Variants in ACYP1 observed in about 807,000 individuals in gnomAD.
ACYP1 encodes the protein acylphosphatase 1.
ACYP1 carries 8 observed loss-of-function variants against 10.4 expected under a neutral mutation model. The observed-to-expected ratio is 0.77, with a 90% CI of 0.45 to 1.38. The LOEUF is 1.38. Among genes scored for constraint, ACYP1 ranks in the 40% most tolerant of loss-of-function variants. The pLI, the probability that ACYP1 is intolerant of heterozygous loss-of-function variation, is 0.00. For missense variants in ACYP1, 93 were observed against 117.3 expected, an observed-to-expected ratio of 0.79 and a Z score of 0.96; for synonymous variants, 38 against 40.8, an observed-to-expected ratio of 0.93 and a Z score of 0.26.
At chr14:75,069,055 G>A (rs1893224706) in intron 1 of ACYP1, among the ~76,000 whole-genome samples, 2 of 152,154 alleles carry the variant, frequency 1.3e-5, no homozygotes, top group Non-Finnish European at 2.9e-5. Context: ...AAGTAGAGAC[G>A]GCTAGAATTA....
exon 1 of ACYP1, chr14:75,069,317 C>G: frequency 1.4e-6 from 2 of 1,416,562 alleles, no homozygotes; most frequent in East Asian, 2.8e-5. Context: ...CGCGGAGGCA[C>G]AGCCAGGGCC....
chr14:75,062,548 G>A (rs1893050492), intron 2 of ACYP1, among the ~76,000 whole-genome samples: 1 of 151,444 alleles, frequency 6.6e-6, no homozygotes, highest in African/African-American at 2.4e-5. Flanking sequence ...GGGTGCGGTG[G>A]CTCACACCTG....
At position 75,053,293 on chromosome 14, in the gene ACYP1, C is replaced by T; in HGVS notation, c.*151G>A. The T allele has an allele frequency of 7.3e-6, 5 of 683,604 alleles. No individual in the cohort carries two copies. In the South Asian group the frequency reaches 9.3e-5, roughly 13 times the overall value. 42.3% of individuals were successfully genotyped at this position (683,604 alleles called of 1,614,324 possible). A position where few individuals can be genotyped will look rare whatever the true frequency, so the allele number is the denominator to read the frequency against. On this transcript the variant is annotated 3_prime_UTR_variant, in exon 3 of 3. Transcript: ENST00000238618. Reference sequence around the variant, plus strand: ...AGATTTGTGTACAGTGGTAATCCTTCCATCATACAGGTAATATATAATAAC... The same window carrying T: ...AGATTTGTGTACAGTGGTAATCCTTTCATCATACAGGTAATATATAATAAC...
chr14:75,061,839 C>A, intron 2 of ACYP1: 1 of 1,107,998 alleles, frequency 9.0e-7, no homozygotes, highest in Non-Finnish European at 1.3e-6. Context: ...CAGTGGCTCA[C>A]ACCTGTAATC....
upstream of ACYP1, among the ~76,000 whole-genome samples, chr14:75,068,324 A>C (rs1458029848): frequency 6.6e-6 from 1 of 152,130 alleles, no homozygotes; most frequent in Non-Finnish European, 1.5e-5. Context: ...AACTTTAAAA[A>C]ACCCCAAAAA....
chr14:75,060,806 G>T (rs10149362), intron 2 of ACYP1, among the ~76,000 whole-genome samples: 1 of 151,976 alleles, frequency 6.6e-6, no homozygotes, highest in Non-Finnish European at 1.5e-5. Context: ...TGGCTCATGC[G>T]TGTAATCCCA....
At chr14:75,058,761 TACTC>T (rs1214660168) in intron 2 of ACYP1, among the ~76,000 whole-genome samples, 2 of 146,078 alleles carry the variant, frequency 1.4e-5, no homozygotes, top group Non-Finnish European at 3.0e-5. Flanking sequence ...TGGGAAATAA[TACTC>T]ACTTCAACAA....
Position 75,053,292 on chromosome 14 carries a change from T to C in ACYP1, c.*152A>G. 1 of 680,436 alleles carries C rather than the reference T, an allele frequency of 1.5e-6. No homozygotes were observed. Among genetic ancestry groups the C allele is most frequent in the South Asian group, 1.9e-5 (1 of 53,750 alleles). 42.1% of individuals were successfully genotyped at this position (680,436 alleles called of 1,614,324 possible). On this transcript the variant is annotated 3_prime_UTR_variant, in exon 3 of 3. Coordinates refer to ENST00000238618, the MANE Select transcript of ACYP1 (RefSeq NM_001107.5). Reference sequence around the variant, plus strand: ...TAGATTTGTGTACAGTGGTAATCCTTCCATCATACAGGTAATATATAATAA... The same window carrying C: ...TAGATTTGTGTACAGTGGTAATCCTCCCATCATACAGGTAATATATAATAA...
rs1376934364 is a variant in ACYP1 at position 75,063,523 on chromosome 14, C to A, written c.31G>T (p.Asp11Tyr). ...TGCACCTTCCCAAAAATTTCATAAT[C>A]CACTGATATCAGGGTGTTTCCTTCT... MAEGNTLISV[D>Y]YEIFGKVQGV... Residue 11 changes from aspartate to tyrosine, a missense_variant, in exon 2 of 3, where the codon GAT (aspartate) becomes TAT (tyrosine). Transcript: ENST00000238618. 1 of 1,613,864 alleles carries A rather than the reference C, an allele frequency of 6.2e-7. No homozygotes were observed. The highest frequency in any genetic ancestry group is 1.6e-4 in the Middle Eastern group (1 of 6,062).
In ACYP1 at chr14:75,063,527, T is replaced by G; in HGVS notation, c.27A>C (p.Ser9=). Residue 9 remains serine (S), a synonymous_variant, in exon 2 of 3, where the codon TCA becomes TCC. Transcript: ENST00000238618. MAEGNTLI[S]VDYEIFGKVQ... ...CCTTCCCAAAAATTTCATAATCCACTGATATCAGGGTGTTTCCTTCTGCCA... is the reference window on the plus strand; with the variant it reads ...CCTTCCCAAAAATTTCATAATCCACGGATATCAGGGTGTTTCCTTCTGCCA... The G allele has an allele frequency of 6.2e-7, 1 of 1,613,764 alleles. No homozygotes were observed. The highest frequency in any genetic ancestry group is 8.5e-7 in the Non-Finnish European group (1 of 1,179,860).
upstream of ACYP1, among the ~76,000 whole-genome samples, chr14:75,065,961 A>G (rs1021425655): frequency 4.6e-5 from 7 of 152,364 alleles, no homozygotes; most frequent in Admixed American, 4.6e-4. Context: ...ATGAAGAAGT[A>G]CAAGTAGCCA....
Position 75,053,510 on chromosome 14 carries a change from T to C in ACYP1, c.234A>G (p.Lys78=), listed in dbSNP as rs745398390. 6.2e-7 allele frequency: 1 copy of C among 1,614,238 alleles called. No individual in the cohort carries two copies. The highest frequency in any genetic ancestry group is 8.5e-7 in the Non-Finnish European group (1 of 1,180,044). The change falls in exon 3 of 3, where the codon AAA becomes AAG. Residue 78 remains lysine (K), a synonymous_variant. Coordinates refer to ENST00000238618, the MANE Select transcript of ACYP1 (RefSeq NM_001107.5). Reference sequence around the variant, plus strand: ...TGACTTTTTCATTGTTGAAGTTTGCTTTGTCGATGTGTGATTTAGGACTTC... The same window carrying C: ...TGACTTTTTCATTGTTGAAGTTTGCCTTGTCGATGTGTGATTTAGGACTTC... ...TRGSPKSHID[K]ANFNNEKVIL...
chr14:75,057,822 G>A lies in ACYP1; in HGVS notation c.85-4163C>T, dbSNP rs372510235. On this transcript the variant is annotated intron_variant, in intron 2 of 2. Coordinates refer to ENST00000238618, the MANE Select transcript of ACYP1 (RefSeq NM_001107.5). ...TCTATTAAAAATACAAAAATTAGCC[G>A]GGCGCAGTGGTGGGTGCCTGTAATC... is the stretch of plus-strand genomic sequence containing the variant. Among the ~76,000 whole-genome samples, 30 of 150,278 alleles carry A rather than the reference G, an allele frequency of 2.0e-4. 1 individual carries two copies. In the South Asian group the frequency reaches 2.8e-3, roughly 14 times the overall value.
intron 2 of ACYP1, among the ~76,000 whole-genome samples, chr14:75,062,714 G>C (rs1187951306): frequency 6.6e-6 from 1 of 151,110 alleles, no homozygotes; most frequent in Non-Finnish European, 1.5e-5. Flanking sequence ...TTATCTGTGG[G>C]ATTAGCGACA....
At chr14:75,068,778 T>C (rs1893213373), upstream of ACYP1, among the ~76,000 whole-genome samples, 1 of 152,152 alleles carries the variant, frequency 6.6e-6, no homozygotes, top group African/African-American at 2.4e-5. Context: ...GTAACAGCTG[T>C]AATATGACAT....
In ACYP1 at chr14:75,056,674, T is replaced by C. The variant is rs145558905; in HGVS notation, c.85-3015A>G. Among the ~76,000 whole-genome samples the C allele has an allele frequency of 1.6e-3, 241 of 151,554 alleles. 12 individuals carry two copies. Among genetic ancestry groups the C allele is most frequent in the African/African-American group, 5.6e-3 (230 of 40,990 alleles). ...CAAATCAGGCAACACAGAAAAAGAA[T>C]TGTATACCATGACAAACTAGGATTT... On this transcript the variant is annotated intron_variant, in intron 2 of 2. Transcript: ENST00000238618.
upstream of ACYP1, among the ~76,000 whole-genome samples, chr14:75,067,813 G>A (rs2139665496): frequency 6.6e-6 from 1 of 151,894 alleles, no homozygotes; most frequent in East Asian, 1.9e-4. Context: ...GGGTAACAAA[G>A]GGAGACCCTG....
At chr14:75,062,528 A>C (rs1033819145) in intron 2 of ACYP1, among the ~76,000 whole-genome samples, 6 of 151,844 alleles carry the variant, frequency 4.0e-5, no homozygotes, top group African/African-American at 1.5e-4. Context: ...GAAGTTCTGC[A>C]GTCCTGGCCG....
chr14:75,061,051 A>C (rs977486340), intron 2 of ACYP1, among the ~76,000 whole-genome samples: 8 of 150,934 alleles, frequency 5.3e-5, no homozygotes, highest in East Asian at 1.9e-4. Flanking sequence ...TGGGTGACAG[A>C]ATGAGGCAGA....
Sources: gnomAD v4.1 joint callset for allele counts (sites outside exome capture counted in the v4.1 genomes callset) on GRCh38, gnomAD v4.1.1 for gene constraint, MANE v1.5 for transcripts, NCBI Gene and HGNC (gene_info 2026-07-23, HGNC 2026-07-21) for gene names.